The following DDIAS variants were observed in gnomAD, a reference collection of about 807,000 sequenced individuals.
The protein encoded by DDIAS is DNA damage induced apoptosis suppressor.
Under a neutral mutation model 15.7 loss-of-function variants are expected in DDIAS, and 14 were observed. The observed-to-expected ratio is 0.89, with a 90% confidence interval of 0.59 to 1.39. DDIAS has a LOEUF of 1.39. Ranked by LOEUF, DDIAS falls within the 40% of genes most tolerant of loss-of-function variation. DDIAS has a pLI of 0.00. For missense variants in DDIAS, 1,035 were observed against 1,130.9 expected (o/e 0.92, Z 1.22); for synonymous variants, 355 against 395.9 (o/e 0.90, Z 1.23).
chr11:82,926,411 A>G (rs1256182328), intron 3 of DDIAS, among the ~76,000 whole-genome samples: 1 of 152,166 alleles, frequency 6.6e-6, no homozygotes, highest in Non-Finnish European at 1.5e-5. Flanking sequence ...TTTGAATAAA[A>G]AAAATAGATA....
intron 1 of DDIAS, among the ~76,000 whole-genome samples, 193 bp from the exon 2 acceptor site, chr11:82,913,094 T>A (rs1441627356): frequency 6.6e-6 from 1 of 152,170 alleles, no homozygotes; most frequent in Non-Finnish European, 1.5e-5. Context: ...ATTGTGAGAA[T>A]TACCAAAATG....
chr11:82,931,488 A>G (rs1860983352), intron 5 of DDIAS, among the ~76,000 whole-genome samples: 1 of 151,996 alleles, frequency 6.6e-6, no homozygotes, highest in African/African-American at 2.4e-5. Flanking sequence ...AGTAGCTGAG[A>G]CTACAGGCAC....
chr11:82,924,864 T>G (rs1226123735), intron 3 of DDIAS, among the ~76,000 whole-genome samples: 1 of 152,144 alleles, frequency 6.6e-6, no homozygotes. Flanking sequence ...AACTTGGTAT[T>G]TTTTTAACTG....
At position 82,933,183 on chromosome 11, in the gene DDIAS, TAGGTGGTCCAAGAACCA is replaced by T. The variant is rs1861038242; in HGVS notation, c.1848_1864del (p.Trp617Ter). Reference sequence around the variant, plus strand: ...GCAAATTAGAAAATAAACAATATTGTAGGTGGTCCAAGAACCAAGATGACAGTTTTACAATTTGCAGG... The same window carrying T: ...GCAAATTAGAAAATAAACAATATTGTAGATGACAGTTTTACAATTTGCAGG... On this transcript the variant is annotated frameshift_variant, in exon 6 of 6. Transcript: ENST00000533655. LOFTEE classifies it low-confidence loss of function (END_TRUNC). The T allele has an allele frequency of 1.2e-6, 2 of 1,612,476 alleles. No individual in the cohort carries two copies. The highest frequency in any genetic ancestry group is 4.5e-5 in the East Asian group (2 of 44,848).
chr11:82,915,196 A>G (rs1008907536), intron 3 of DDIAS, among the ~76,000 whole-genome samples: 1 of 152,208 alleles, frequency 6.6e-6, no homozygotes. Context: ...TTGCATGATC[A>G]GTAGAATAGT....
Position 82,932,115 on chromosome 11 carries a change from A to G in DDIAS, c.777A>G (p.Ser259=). 1.2e-6 allele frequency: 2 copies of G among 1,614,208 alleles called. No individual in the cohort carries two copies. The highest frequency in any genetic ancestry group is 1.7e-5 in the Admixed American group (1 of 60,024). The change falls in exon 6 of 6, where the codon TCA becomes TCG. Residue 259 remains serine, a synonymous_variant. Transcript: ENST00000533655. ...AACTAACAGATAATGATGATTTTTC[A>G]GCTTCAGAACAAAGTAAGGCCTTTG... is the stretch of plus-strand genomic sequence containing the variant. ...VSQLTDNDDF[S]ASEQSKAFGT...
intron 3 of DDIAS, among the ~76,000 whole-genome samples, chr11:82,921,670 C>G (rs867735908): frequency 1.3e-5 from 2 of 150,750 alleles, no homozygotes; most frequent in African/African-American, 2.4e-5. Context: ...CTCCGCCCCC[C>G]CAGGTTCAAG....
intron 3 of DDIAS, among the ~76,000 whole-genome samples, chr11:82,924,670 G>T (rs994030542): frequency 2.0e-5 from 3 of 151,878 alleles, no homozygotes; most frequent in African/African-American, 7.3e-5. Flanking sequence ...ACAAAATTAG[G>T]CAGGCATCGT....
At chr11:82,929,696 T>A (rs1219772866) in intron 4 of DDIAS, among the ~76,000 whole-genome samples, 1 of 140,652 alleles carries the variant, frequency 7.1e-6, no homozygotes, top group East Asian at 2.0e-4. Flanking sequence ...AGAGCGAGAC[T>A]CTGTCTCAAA....
Position 82,928,973 on chromosome 11 carries a change from C to T in DDIAS, c.275+35C>T, listed in dbSNP as rs201556220. ...CTTAAAACATCCTTTTTCCTGACTGCCCTTAGAATTTGAAGATACAAGTTT... is the reference window on the plus strand; with the variant it reads ...CTTAAAACATCCTTTTTCCTGACTGTCCTTAGAATTTGAAGATACAAGTTT... On this transcript the variant is annotated intron_variant, in intron 4 of 5. Transcript: ENST00000533655. The T allele has an allele frequency of 5.2e-5, 82 of 1,580,502 alleles. 1 individual carries two copies. The Middle Eastern group carries it at 2.8e-3, about 55-fold the overall frequency.
chr11:82,910,587 A>ATT (rs1425754567), intron 1 of DDIAS, among the ~76,000 whole-genome samples: 25 of 125,598 alleles, frequency 2.0e-4, no homozygotes, highest in African/African-American at 6.9e-4. Context: ...CAAGCTTTTA[A>ATT]TTTTTTCTCT....
At chr11:82,908,869 G>T (rs995726945) in intron 1 of DDIAS, among the ~76,000 whole-genome samples, 51 of 152,192 alleles carry the variant, frequency 3.4e-4, no homozygotes, top group African/African-American at 1.2e-3. Flanking sequence ...AAATGACCAA[G>T]CTGCTTTTTG....
At chr11:82,926,876 G>C (rs1185520713) in intron 3 of DDIAS, among the ~76,000 whole-genome samples, 4 of 152,068 alleles carry the variant, frequency 2.6e-5, no homozygotes, top group Admixed American at 2.6e-4. Context: ...AATATATATA[G>C]TTTAATATGT....
chr11:82,902,996 T>A (rs1427433000), intron 1 of DDIAS, among the ~76,000 whole-genome samples: 3 of 152,198 alleles, frequency 2.0e-5, no homozygotes, highest in Admixed American at 6.5e-5. Flanking sequence ...TTGATACTGA[T>A]GCCTAAAAGA....
intron 1 of DDIAS, among the ~76,000 whole-genome samples, chr11:82,912,274 G>A (rs1230792722): frequency 6.6e-6 from 1 of 152,170 alleles, no homozygotes; most frequent in East Asian, 1.9e-4. Context: ...ATATAAGTCT[G>A]TTGTGTCTAC....
At chr11:82,924,073 T>C (rs1860808928) in intron 3 of DDIAS, among the ~76,000 whole-genome samples, 1 of 152,242 alleles carries the variant, frequency 6.6e-6, no homozygotes, top group African/African-American at 2.4e-5. Context: ...GCTCAGAGGC[T>C]ACCTATCCTC....
chr11:82,910,997 T>TA (rs2121321910), intron 1 of DDIAS, among the ~76,000 whole-genome samples: 1 of 152,336 alleles, frequency 6.6e-6, no homozygotes, highest in Admixed American at 6.5e-5. Context: ...GTTTACACTA[T>TA]ACTGTAGTCT....
intron 3 of DDIAS, among the ~76,000 whole-genome samples, chr11:82,920,431 G>T (rs2121341643): frequency 6.6e-6 from 1 of 152,206 alleles, no homozygotes. Context: ...GGTTTGGTTT[G>T]TTCTTGTTTC....
At chr11:82,903,493 A>G (rs1325639438) in intron 1 of DDIAS, among the ~76,000 whole-genome samples, 1 of 152,144 alleles carries the variant, frequency 6.6e-6, no homozygotes, top group Non-Finnish European at 1.5e-5. Context: ...GAAAAACTGT[A>G]TCGTACTAAG....
Sources: allele counts gnomAD v4.1 joint callset (sites outside exome capture counted in the v4.1 genomes callset), GRCh38; gene constraint gnomAD v4.1.1; transcripts MANE v1.5; gene names NCBI Gene and HGNC (gene_info 2026-07-23, HGNC 2026-07-21).